Variants in MAGI2 observed in about 807,000 individuals in gnomAD.
The protein encoded by MAGI2 is membrane associated guanylate kinase, WW and PDZ domain containing 2, also known as membrane-associated guanylate kinase, WW and PDZ domain-containing protein 2.
A neutral mutation model predicts 133.3 loss-of-function variants in MAGI2; 35 were observed. The ratio of observed to expected loss-of-function variants is 0.26; its 90% CI spans 0.20 to 0.35. The LOEUF is 0.35. Ranked by LOEUF, MAGI2 falls within the 10% of genes least tolerant of loss-of-function variation. The probability of loss-of-function intolerance (pLI) is 1.00; values close to 1 mark genes in which losing one functional copy is unlikely to be tolerated. For missense variants in MAGI2, 1,636 were observed against 1,863.4 expected, an observed-to-expected ratio of 0.88 and a Z score of 2.25; for synonymous variants, 729 against 710.6, an observed-to-expected ratio of 1.03 and a Z score of -0.41.
chr7:79,022,646 C>CA lies in MAGI2; in HGVS notation c.302-15441dup, dbSNP rs61289194. On this transcript the variant is annotated intron_variant, in intron 1 of 21. Transcript: ENST00000354212. ...AGTAAGTTTAAAAAGAGACAAGATC[C>CA]AAAAAAAAAAAAAAAACCACATTCA... is the stretch of plus-strand genomic sequence containing the variant. Among the ~76,000 whole-genome samples, 952 of 118,596 alleles carry CA rather than the reference C, an allele frequency of 8.0e-3. 18 individuals carry two copies. Among genetic ancestry groups the CA allele is most frequent in the African/African-American group, 0.016 (505 of 30,696 alleles). 77.8% of individuals were successfully genotyped at this position (118,596 alleles called of 152,430 possible).
chr7:78,429,287 G>A (rs1481222233), intron 6 of MAGI2, among the ~76,000 whole-genome samples: 2 of 149,788 alleles, frequency 1.3e-5, no homozygotes, highest in Non-Finnish European at 3.0e-5. Context: ...GGTCTTTGGT[G>A]CTATGCTTGA....
chr7:78,628,945 TAACA>T (rs1439860052), intron 2 of MAGI2, among the ~76,000 whole-genome samples: 1 of 151,864 alleles, frequency 6.6e-6, no homozygotes, highest in Non-Finnish European at 1.5e-5. Context: ...AAAAATCACA[TAACA>T]AAGACTCAAT....
chr7:78,792,968 C>T (rs1233707313), intron 2 of MAGI2, among the ~76,000 whole-genome samples: 1 of 152,196 alleles, frequency 6.6e-6, no homozygotes, highest in African/African-American at 2.4e-5. Flanking sequence ...ATATGACTGG[C>T]TCCATGTCTT....
chr7:78,494,228 A>G (rs1584388363), intron 5 of MAGI2, among the ~76,000 whole-genome samples: 1 of 152,250 alleles, frequency 6.6e-6, no homozygotes, highest in African/African-American at 2.4e-5. Context: ...AATTACTGGG[A>G]TTACAGGCAT....
chr7:79,225,889 G>T (rs1830809297), intron 1 of MAGI2, among the ~76,000 whole-genome samples: 1 of 152,102 alleles, frequency 6.6e-6, no homozygotes, highest in Non-Finnish European at 1.5e-5. Context: ...TGATTATGAT[G>T]CAGAGCTGTT....
At chr7:78,643,580 C>T (rs1460412184) in intron 2 of MAGI2, among the ~76,000 whole-genome samples, 3 of 152,026 alleles carry the variant, frequency 2.0e-5, no homozygotes, top group Non-Finnish European at 2.9e-5. Context: ...TTAAGATACA[C>T]ACAATTGCAG....
chr7:78,055,048 G>T (rs141145916), intron 21 of MAGI2, among the ~76,000 whole-genome samples: 1 of 151,972 alleles, frequency 6.6e-6, no homozygotes, highest in African/African-American at 2.4e-5. Context: ...GATTACAGGC[G>T]TGTGTTTTTT....
intron 20 of MAGI2, among the ~76,000 whole-genome samples, chr7:78,121,202 C>A: frequency 1.3e-5 from 2 of 148,310 alleles, no homozygotes; most frequent in African/African-American, 2.5e-5. Context: ...AGAATGATTT[C>A]TCAAACAAGA....
intron 1 of MAGI2, among the ~76,000 whole-genome samples, chr7:79,214,698 C>A (rs1829857803): frequency 3.2e-5 from 4 of 126,192 alleles, no homozygotes; most frequent in East Asian, 2.3e-4. Flanking sequence ...TATATTTATA[C>A]ATAAATATAC....
intron 14 of MAGI2, among the ~76,000 whole-genome samples, chr7:78,169,758 C>A (rs921353809): frequency 3.3e-5 from 5 of 152,186 alleles, no homozygotes; most frequent in African/African-American, 9.6e-5. Flanking sequence ...CAGGACAGGC[C>A]TGACATCTCC....
intron 4 of MAGI2, among the ~76,000 whole-genome samples, chr7:78,503,983 T>C (rs1794872478): frequency 6.6e-6 from 1 of 151,878 alleles, no homozygotes; most frequent in African/African-American, 2.4e-5. Flanking sequence ...GATGAACTAA[T>C]ATGGAAGAAA....
At chr7:79,074,384 G>C (rs1214367554) in intron 1 of MAGI2, among the ~76,000 whole-genome samples, 1 of 152,040 alleles carries the variant, frequency 6.6e-6, no homozygotes, top group Non-Finnish European at 1.5e-5. Context: ...ATCAGATAAA[G>C]GTAAAGGATA....
intron 16 of MAGI2, among the ~76,000 whole-genome samples, chr7:78,143,589 A>G (rs1196211707): frequency 6.6e-6 from 1 of 152,166 alleles, no homozygotes; most frequent in African/African-American, 2.4e-5. Context: ...AAATATAACT[A>G]AAGCAACTTG....
At chr7:78,175,989 A>G (rs1826560403) in intron 14 of MAGI2, among the ~76,000 whole-genome samples, 1 of 152,168 alleles carries the variant, frequency 6.6e-6, no homozygotes, top group Non-Finnish European at 1.5e-5. Context: ...ACAGATATGA[A>G]GGGACTTGAG....
intron 1 of MAGI2, among the ~76,000 whole-genome samples, chr7:79,090,967 T>C (rs1816993306): frequency 6.7e-6 from 1 of 149,208 alleles, no homozygotes; most frequent in South Asian, 2.1e-4. Flanking sequence ...TTACTGCAGT[T>C]CCATTATGGT....
intron 20 of MAGI2, among the ~76,000 whole-genome samples, chr7:78,084,116 G>C (rs1816354145): frequency 6.6e-6 from 1 of 152,116 alleles, no homozygotes; most frequent in Non-Finnish European, 1.5e-5. Flanking sequence ...AGCCTATTTT[G>C]CATGATCATA....
At chr7:78,382,020 A>C (rs1448164185) in intron 6 of MAGI2, among the ~76,000 whole-genome samples, 1 of 152,232 alleles carries the variant, frequency 6.6e-6, no homozygotes, top group Non-Finnish European at 1.5e-5. Context: ...TTATTTTAAT[A>C]GCAAATCATG....
At chr7:78,157,451 T>C (rs1459760865) in intron 16 of MAGI2, among the ~76,000 whole-genome samples, 1 of 152,222 alleles carries the variant, frequency 6.6e-6, no homozygotes, top group Non-Finnish European at 1.5e-5. Context: ...AATCTACTTA[T>C]GCATGGATTT....
chr7:78,067,671 G>C (rs1270321242), intron 21 of MAGI2, among the ~76,000 whole-genome samples: 1 of 152,200 alleles, frequency 6.6e-6, no homozygotes, highest in Non-Finnish European at 1.5e-5. Flanking sequence ...ATGAATGTGT[G>C]ATTCTTAAGT....
Sources: allele counts gnomAD v4.1 joint callset (sites outside exome capture counted in the v4.1 genomes callset), GRCh38; gene constraint gnomAD v4.1.1; transcripts MANE v1.5; gene names NCBI Gene and HGNC (gene_info 2026-07-23, HGNC 2026-07-21).